The following RBFOX1 variants were observed in gnomAD, a reference collection of about 807,000 sequenced individuals.
RBFOX1 encodes RNA binding protein fox-1 homolog 1.
In RBFOX1, 8 loss-of-function variants were observed where a neutral mutation model predicts 57.7. The observed-to-expected ratio is 0.14, with a 90% CI of 0.08 to 0.25. The LOEUF (loss-of-function observed/expected upper bound fraction) is 0.25, where lower values mean the gene tolerates loss of function less well. Among genes scored for constraint, RBFOX1 ranks in the 10% least tolerant of loss-of-function variants. The pLI is 1.00. For synonymous variants in RBFOX1, 326 were observed against 222.4 expected (o/e 1.47, Z -4.15); for missense variants, 611 against 548.5 (o/e 1.11, Z -1.14).
At chr16:5,476,191 A>G (rs2069316173) in intron 2 of RBFOX1, among the ~76,000 whole-genome samples, 1 of 152,190 alleles carries the variant, frequency 6.6e-6, no homozygotes, top group Admixed American at 6.5e-5. Flanking sequence ...CAGGCAATGC[A>G]TGTTACATAC....
chr16:6,462,527 G>A (rs535387452), intron 2 of RBFOX1, among the ~76,000 whole-genome samples: 17 of 152,142 alleles, frequency 1.1e-4, no homozygotes, highest in African/African-American at 3.6e-4. Context: ...TTAATTCTTC[G>A]TTGGATTTGT....
chr16:7,061,683 A>G (rs951447216), intron 4 of RBFOX1, among the ~76,000 whole-genome samples: 2 of 152,138 alleles, frequency 1.3e-5, no homozygotes, highest in African/African-American at 4.8e-5. Flanking sequence ...GGGAAAATCT[A>G]TTCCCATTTC....
chr16:7,451,009 C>T (rs916065945), intron 4 of RBFOX1, among the ~76,000 whole-genome samples: 1 of 152,138 alleles, frequency 6.6e-6, no homozygotes, highest in African/African-American at 2.4e-5. Context: ...TTAGATAAGA[C>T]CTGGGCTTCG....
intron 3 of RBFOX1, among the ~76,000 whole-genome samples, chr16:5,862,539 C>G (rs114069028): frequency 5.9e-5 from 9 of 152,194 alleles, no homozygotes; most frequent in Non-Finnish European, 1.2e-4. Flanking sequence ...AGCAGACAGT[C>G]ACCCACTGCG....
At chr16:7,200,554 T>C (rs891203384) in intron 4 of RBFOX1, among the ~76,000 whole-genome samples, 1 of 152,226 alleles carries the variant, frequency 6.6e-6, no homozygotes, top group Admixed American at 6.5e-5. Context: ...TATTTTCTGC[T>C]CGAGGAAAAA....
At chr16:6,450,873 ATC>A (rs2094606294) in intron 2 of RBFOX1, among the ~76,000 whole-genome samples, 2 of 48,214 alleles carry the variant, frequency 4.1e-5, no homozygotes, top group Non-Finnish European at 4.1e-5. Context: ...ATATATATAT[ATC>A]TCCTCTGAAA....
At chr16:6,958,015 G>C (rs1024074952) in intron 3 of RBFOX1, among the ~76,000 whole-genome samples, 1 of 152,132 alleles carries the variant, frequency 6.6e-6, no homozygotes, top group African/African-American at 2.4e-5. Context: ...GGACTACTCA[G>C]GGGTGAGAAT....
intron 1 of RBFOX1, among the ~76,000 whole-genome samples, chr16:6,138,946 C>T (rs2096690332): frequency 6.6e-6 from 1 of 152,116 alleles, no homozygotes; most frequent in South Asian, 2.1e-4. Flanking sequence ...ACAGGACTTG[C>T]CCACACTGAA....
chr16:5,922,959 C>A (rs2058856370), intron 4 of RBFOX1, among the ~76,000 whole-genome samples: 1 of 152,130 alleles, frequency 6.6e-6, no homozygotes, highest in Non-Finnish European at 1.5e-5. Flanking sequence ...TCCTTTCTTC[C>A]CAAGTTGAGC....
At chr16:6,060,138 T>G (rs1461450113) in intron 1 of RBFOX1, among the ~76,000 whole-genome samples, 20 of 23,430 alleles carry the variant, frequency 8.5e-4, no homozygotes, top group Non-Finnish European at 2.1e-3. Flanking sequence ...TTTTTTTTTT[T>G]TTTTTTTTTT....
intron 1 of RBFOX1, among the ~76,000 whole-genome samples, chr16:5,267,412 C>G (rs184850582): frequency 2.0e-4 from 30 of 152,042 alleles, no homozygotes; most frequent in African/African-American, 7.2e-4. Flanking sequence ...ATGCTTGTGC[C>G]TCAGCCCCCT....
At chr16:6,514,008 C>T (rs2096313187) in intron 2 of RBFOX1, among the ~76,000 whole-genome samples, 1 of 152,112 alleles carries the variant, frequency 6.6e-6, no homozygotes, top group Admixed American at 6.5e-5. Context: ...GCAAATGGCG[C>T]ATGTCCACCT....
chr16:7,081,442 A>C (rs772217644), intron 4 of RBFOX1, among the ~76,000 whole-genome samples: 4 of 152,138 alleles, frequency 2.6e-5, no homozygotes, highest in African/African-American at 4.8e-5. Flanking sequence ...GCCACTCCTC[A>C]TGGGGGAATC....
At chr16:7,346,707 T>C (rs1360425349) in intron 4 of RBFOX1, among the ~76,000 whole-genome samples, 1 of 152,088 alleles carries the variant, frequency 6.6e-6, no homozygotes, top group African/African-American at 2.4e-5. Flanking sequence ...AACTTACCTC[T>C]TATCTCTGAT....
intron 4 of RBFOX1, among the ~76,000 whole-genome samples, chr16:7,478,527 C>G (rs1887218025): frequency 6.6e-6 from 1 of 152,190 alleles, no homozygotes; most frequent in South Asian, 2.1e-4. Flanking sequence ...GGTACCATGT[C>G]TGAAGTTCCT....
At chr16:6,588,668 A>C (rs1309338246) in intron 2 of RBFOX1, among the ~76,000 whole-genome samples, 1 of 152,102 alleles carries the variant, frequency 6.6e-6, no homozygotes, top group Non-Finnish European at 1.5e-5. Flanking sequence ...AAAAAATGAG[A>C]AATGCACCTT....
chr16:6,929,189 C>G (rs901503814), intron 3 of RBFOX1, among the ~76,000 whole-genome samples: 1 of 152,136 alleles, frequency 6.6e-6, no homozygotes, highest in Non-Finnish European at 1.5e-5. Flanking sequence ...ACACATTCTA[C>G]TCTTTGAAGG....
At chr16:5,370,943 C>A (rs1478891549) in intron 1 of RBFOX1, among the ~76,000 whole-genome samples, 2 of 152,204 alleles carry the variant, frequency 1.3e-5, no homozygotes, top group African/African-American at 4.8e-5. Flanking sequence ...GAATCCCTAA[C>A]CCGCAGGACC....
intron 1 of RBFOX1, chr16:5,365,939 T>G (rs1015979018): frequency 1.0e-5 from 5 of 494,432 alleles, no homozygotes; most frequent in African/African-American, 9.8e-5. Context: ...GAATGGTCAG[T>G]TTAGGGGCTG....
Sources: allele counts gnomAD v4.1 joint callset (sites outside exome capture counted in the v4.1 genomes callset), GRCh38; gene constraint gnomAD v4.1.1; transcripts MANE v1.5; gene names NCBI Gene and HGNC (gene_info 2026-07-23, HGNC 2026-07-21).